Variants in JAK1 observed in about 807,000 individuals in gnomAD.
The protein encoded by JAK1 is tyrosine-protein kinase JAK1.
A neutral mutation model predicts 136.6 loss-of-function variants in JAK1; 16 were observed. That is an observed-to-expected ratio of 0.12 (90% CI 0.08 to 0.18). The LOEUF is 0.18. Among genes scored for constraint, JAK1 ranks in the 10% least tolerant of loss-of-function variants. JAK1 has a pLI of 1.00. For missense variants in JAK1, 859 were observed against 1,450.1 expected, an observed-to-expected ratio of 0.59 and a Z score of 6.62; for synonymous variants, 492 against 519.5, an observed-to-expected ratio of 0.95 and a Z score of 0.72.
intron 4 of JAK1, among the ~76,000 whole-genome samples, chr1:64,877,771 C>T (rs1644697376): frequency 6.6e-6 from 1 of 152,110 alleles, no homozygotes; most frequent in East Asian, 1.9e-4. Flanking sequence ...TGCAACAACC[C>T]ATTTCAATGC....
At chr1:64,962,349 G>C (rs1004427634) in intron 1 of JAK1, among the ~76,000 whole-genome samples, 1 of 152,236 alleles carries the variant, frequency 6.6e-6, no homozygotes, top group African/African-American at 2.4e-5. Flanking sequence ...CTTCTGGCCA[G>C]AGTAGACTTA....
chr1:64,898,932 T>C lies in JAK1; in HGVS notation c.-77-12591A>G, dbSNP rs544174096. Among the ~76,000 whole-genome samples the C allele has an allele frequency of 2.8e-4, 43 of 152,328 alleles. No homozygotes were observed. In the South Asian group the frequency reaches 8.5e-3, roughly 30 times the overall value. ...ATCCCACATTGCACCAAAATAAATA[T>C]TAATGAAGGCACCTCTGCCTTTTTA... On this transcript the variant is annotated intron_variant, in intron 1 of 24. Transcript: ENST00000342505.
chr1:65,013,416 A>C (rs1646866774), intron 2 of JAK1, among the ~76,000 whole-genome samples: 1 of 152,090 alleles, frequency 6.6e-6, no homozygotes, highest in South Asian at 2.1e-4. Context: ...AACAAAAAAA[A>C]CAAAAACCGA....
chr1:64,979,406 A>G (rs1025117238), intron 2 of JAK1, among the ~76,000 whole-genome samples: 1 of 152,210 alleles, frequency 6.6e-6, no homozygotes, highest in Non-Finnish European at 1.5e-5. Flanking sequence ...TTCTAAAAAA[A>G]AGAAATAAAA....
At chr1:65,063,615 C>T (rs1029079230) in intron 1 of JAK1, among the ~76,000 whole-genome samples, 1 of 151,994 alleles carries the variant, frequency 6.6e-6, no homozygotes, top group African/African-American at 2.4e-5. Context: ...ACCAGCCTGG[C>T]CAACGTGGGG....
intron 1 of JAK1, among the ~76,000 whole-genome samples, chr1:64,889,196 A>G (rs888122494): frequency 9.2e-5 from 14 of 152,272 alleles, no homozygotes; most frequent in African/African-American, 3.4e-4. Flanking sequence ...TCCAAGAAAT[A>G]AATTCAAGTT....
intron 2 of JAK1, among the ~76,000 whole-genome samples, chr1:65,013,040 G>T (rs1274384718): frequency 1.4e-5 from 2 of 143,026 alleles, no homozygotes; most frequent in Non-Finnish European, 3.0e-5. Context: ...AACTTGCAGT[G>T]AGCCAAGATC....
At chr1:64,885,493 C>T (rs927747612) in intron 2 of JAK1, among the ~76,000 whole-genome samples, 2 of 152,172 alleles carry the variant, frequency 1.3e-5, no homozygotes, top group African/African-American at 4.8e-5. Context: ...GTGGCTCATG[C>T]CTGTAATCCC....
Position 64,833,259 on chromosome 1 carries a change from G to C in JAK1, c.*1303C>G, listed in dbSNP as rs746685590. On this transcript the variant is annotated 3_prime_UTR_variant, in exon 25 of 25. Coordinates refer to ENST00000342505, the MANE Select transcript of JAK1 (RefSeq NM_002227.4). Reference sequence around the variant, plus strand: ...TCTTTAGTATATTTATTTGTATAAAGAGTAAACAAAGTGCATATAGAGTGG... The same window carrying C: ...TCTTTAGTATATTTATTTGTATAAACAGTAAACAAAGTGCATATAGAGTGG... The C allele has an allele frequency of 2.2e-5, 5 of 227,862 alleles. No individual in the cohort carries two copies. Among genetic ancestry groups the C allele is most frequent in the Non-Finnish European group, 4.4e-5 (5 of 114,524 alleles). 14.1% of individuals were successfully genotyped at this position (227,862 alleles called of 1,614,324 possible).
At position 64,833,487 on chromosome 1, in the gene JAK1, T is replaced by TAAAC. The variant is rs879037228; in HGVS notation, c.*1071_*1074dup. ...TAATCGTTCACATTGAATCAATGACTAAACATTTTTGATTACCCAGCTACC... is the reference window on the plus strand; with the variant it reads ...TAATCGTTCACATTGAATCAATGACTAAACAAACATTTTTGATTACCCAGCTACC... On this transcript the variant is annotated 3_prime_UTR_variant, in exon 25 of 25. Transcript: ENST00000342505. The TAAAC allele has an allele frequency of 1.3e-5, 3 of 232,968 alleles. No individual in the cohort carries two copies. The highest frequency in any genetic ancestry group is 3.6e-4 in the South Asian group (2 of 5,530). The allele number at this position is 232,968 out of a possible 1,614,324, so 14.4% of individuals were successfully genotyped here.
intron 2 of JAK1, among the ~76,000 whole-genome samples, chr1:65,044,471 C>T (rs1197858535): frequency 2.0e-5 from 3 of 152,180 alleles, no homozygotes; most frequent in Admixed American, 6.5e-5. Flanking sequence ...AGGATTAATA[C>T]CTACGTACCT....
intron 1 of JAK1, among the ~76,000 whole-genome samples, chr1:64,886,781 CACACACACACAG>C (rs56069309): frequency 0.071 from 10,422 of 146,208 alleles, 494 homozygotes; most frequent in Non-Finnish European, 0.091. Context: ...CACACACACA[CACACACACACAG>C]AGCTTTGTAT....
intron 1 of JAK1, among the ~76,000 whole-genome samples, chr1:64,912,821 A>G (rs1430078239): frequency 6.6e-6 from 1 of 152,186 alleles, no homozygotes; most frequent in African/African-American, 2.4e-5. Context: ...GGCTTTGAAG[A>G]TGCATCAAAG....
chr1:65,065,991 G>C (rs1044579608), intron 1 of JAK1, among the ~76,000 whole-genome samples: 4 of 151,998 alleles, frequency 2.6e-5, no homozygotes, highest in Admixed American at 6.5e-5. Context: ...CGGGGGAAAG[G>C]GGGGCTGGGG....
chr1:65,034,870 C>T (rs996021205), intron 2 of JAK1, among the ~76,000 whole-genome samples: 2 of 152,126 alleles, frequency 1.3e-5, no homozygotes, highest in African/African-American at 2.4e-5. Context: ...GCCTGGCTAA[C>T]ATGGTGAAAC....
intron 4 of JAK1, among the ~76,000 whole-genome samples, chr1:64,874,055 A>G (rs933413339): frequency 1.3e-5 from 2 of 152,190 alleles, no homozygotes; most frequent in African/African-American, 4.8e-5. Context: ...AGAGCTACCC[A>G]AACACCACTA....
intron 2 of JAK1, among the ~76,000 whole-genome samples, chr1:65,016,762 G>A (rs984774589): frequency 6.6e-6 from 1 of 152,116 alleles, no homozygotes; most frequent in African/African-American, 2.4e-5. Context: ...GCCGTGCATG[G>A]TGGCAGGCAC....
At chr1:64,951,804 G>C (rs1177299066) in intron 1 of JAK1, among the ~76,000 whole-genome samples, 1 of 151,884 alleles carries the variant, frequency 6.6e-6, no homozygotes, top group Non-Finnish European at 1.5e-5. Flanking sequence ...GACTACAGGC[G>C]CCCGCCACCA....
intron 11 of JAK1, 54 bp from the exon 12 acceptor site, chr1:64,850,964 G>T: frequency 8.1e-7 from 1 of 1,228,768 alleles, no homozygotes; most frequent in Non-Finnish European, 1.2e-6. Flanking sequence ...CGAGCTCTCA[G>T]ACAGCCAACG....
Sources: allele counts gnomAD v4.1 joint callset (sites outside exome capture counted in the v4.1 genomes callset), GRCh38; gene constraint gnomAD v4.1.1; transcripts MANE v1.5; gene names NCBI Gene and HGNC (gene_info 2026-07-23, HGNC 2026-07-21).